Variants in EPHA3 observed in about 807,000 individuals in gnomAD.
The protein encoded by EPHA3 is EPH receptor A3.
A neutral mutation model predicts 107.1 loss-of-function variants in EPHA3; 42 were observed. That is an observed-to-expected ratio of 0.39 (90% CI 0.31 to 0.51). The LOEUF (loss-of-function observed/expected upper bound fraction) is 0.51. Among genes scored for constraint, EPHA3 ranks in the 20% least tolerant of loss-of-function variants. EPHA3 has a pLI of 0.78. For synonymous variants in EPHA3, 461 were observed against 424.8 expected, an observed-to-expected ratio of 1.09 and a Z score of -1.05; for missense variants, 1,183 against 1,211.2, an observed-to-expected ratio of 0.98 and a Z score of 0.35.
chr3:89,237,009 C>T (rs6796339), intron 3 of EPHA3, among the ~76,000 whole-genome samples: 40,260 of 151,994 alleles, frequency 0.26, 5,580 homozygotes, highest in African/African-American at 0.32. Context: ...TGAATCAATG[C>T]ATGGATCGAA....
At chr3:89,196,943 C>A (rs1409886821) in intron 2 of EPHA3, among the ~76,000 whole-genome samples, 1 of 152,098 alleles carries the variant, frequency 6.6e-6, no homozygotes, top group Non-Finnish European at 1.5e-5. Context: ...ATCCAGACTC[C>A]ATCCTATGTC....
At chr3:89,191,362 T>A (rs1408398018) in intron 2 of EPHA3, among the ~76,000 whole-genome samples, 3 of 151,960 alleles carry the variant, frequency 2.0e-5, no homozygotes, top group South Asian at 2.1e-4. Context: ...GCTGGAGTGC[T>A]GTGGCACGAT....
chr3:89,170,217 C>T lies in EPHA3; in HGVS notation c.154-39643C>T, dbSNP rs545225035. Among the ~76,000 whole-genome samples, 28 of 149,740 alleles carry T rather than the reference C, an allele frequency of 1.9e-4. 1 individual carries two copies. The East Asian group carries it at 5.1e-3, about 27-fold the overall frequency. On this transcript the variant is annotated intron_variant, in intron 2 of 16. Coordinates refer to ENST00000336596, the MANE Select transcript of EPHA3 (RefSeq NM_005233.6). ...TTTACAGTGAGCAGAGATCGCGCCA[C>T]TGCACTTCAGCCTGGGCGACAGAGA...
intron 1 of EPHA3, among the ~76,000 whole-genome samples, chr3:89,123,181 G>C (rs189592341): frequency 3.9e-4 from 59 of 152,252 alleles, no homozygotes; most frequent in African/African-American, 1.3e-3. Context: ...GTTTCGCTCT[G>C]TTTCCCAGGC....
At chr3:89,395,748 G>A in intron 5 of EPHA3, 89 bp from the exon 6 acceptor site, 1 of 1,476,926 alleles carries the variant, frequency 6.8e-7, no homozygotes, top group Non-Finnish European at 9.3e-7. Context: ...CCATTTGCAT[G>A]TTCCCTTCTC....
chr3:89,330,743 A>T (rs986929457), intron 3 of EPHA3, among the ~76,000 whole-genome samples: 3 of 152,146 alleles, frequency 2.0e-5, no homozygotes, highest in African/African-American at 7.2e-5. Flanking sequence ...ATTTTGCAGC[A>T]TCCACAGAAA....
At chr3:89,301,249 C>T (rs1207249414) in intron 3 of EPHA3, among the ~76,000 whole-genome samples, 2 of 152,026 alleles carry the variant, frequency 1.3e-5, no homozygotes, top group Non-Finnish European at 2.9e-5. Flanking sequence ...TTGAGTGTAG[C>T]AACATTGTAG....
At chr3:89,192,347 C>T (rs538809751) in intron 2 of EPHA3, among the ~76,000 whole-genome samples, 12 of 151,994 alleles carry the variant, frequency 7.9e-5, no homozygotes, top group African/African-American at 2.7e-4. Context: ...TCTGAGCCTT[C>T]GTAGATCCAG....
At chr3:89,225,220 T>A (rs1399576061) in intron 3 of EPHA3, among the ~76,000 whole-genome samples, 2 of 152,128 alleles carry the variant, frequency 1.3e-5, no homozygotes, top group African/African-American at 4.8e-5. Context: ...ACTGCTTCGA[T>A]GCCTGTAATG....
intron 1 of EPHA3, among the ~76,000 whole-genome samples, chr3:89,123,049 T>C (rs1707424201): frequency 6.6e-6 from 1 of 152,178 alleles, no homozygotes; most frequent in Non-Finnish European, 1.5e-5. Flanking sequence ...TAGAAATCAG[T>C]GGCAGAAATG....
chr3:89,378,587 T>C (rs1708446176), intron 5 of EPHA3, among the ~76,000 whole-genome samples: 1 of 152,176 alleles, frequency 6.6e-6, no homozygotes, highest in African/African-American at 2.4e-5. Context: ...AAATGTAGTA[T>C]CTCCCTGTAA....
At chr3:89,178,553 T>C (rs1458233510) in intron 2 of EPHA3, among the ~76,000 whole-genome samples, 1 of 152,052 alleles carries the variant, frequency 6.6e-6, no homozygotes, top group Non-Finnish European at 1.5e-5. Flanking sequence ...CATTATTTAT[T>C]ACTGTAGATA....
At chr3:89,477,567 A>T (rs1310359181) in intron 16 of EPHA3, among the ~76,000 whole-genome samples, 1 of 151,364 alleles carries the variant, frequency 6.6e-6, no homozygotes, top group Non-Finnish European at 1.5e-5. Context: ...TGAATTCCCA[A>T]TTTTTTCTTT....
chr3:89,459,008 T>C (rs1710160022), intron 15 of EPHA3, among the ~76,000 whole-genome samples: 1 of 152,044 alleles, frequency 6.6e-6, no homozygotes, highest in African/African-American at 2.4e-5. Context: ...GAGAGGAACA[T>C]CACACACCAG....
At chr3:89,140,369 G>A (rs1034544225) in intron 2 of EPHA3, among the ~76,000 whole-genome samples, 1 of 151,670 alleles carries the variant, frequency 6.6e-6, no homozygotes, top group African/African-American at 2.4e-5. Context: ...TTATCTTCTA[G>A]CCAGTAAATT....
intron 2 of EPHA3, among the ~76,000 whole-genome samples, chr3:89,165,058 A>C (rs1351448942): frequency 6.6e-6 from 1 of 152,146 alleles, no homozygotes; most frequent in African/African-American, 2.4e-5. Context: ...TCTTTCTGTC[A>C]CCTCTGATTT....
intron 3 of EPHA3, among the ~76,000 whole-genome samples, chr3:89,335,658 C>A (rs2107407075): frequency 6.6e-6 from 1 of 152,046 alleles, no homozygotes; most frequent in Middle Eastern, 3.4e-3. Flanking sequence ...TTGAATATAT[C>A]AATATAATGT....
chr3:89,214,712 T>A (rs551176495), intron 3 of EPHA3, among the ~76,000 whole-genome samples: 1 of 152,060 alleles, frequency 6.6e-6, no homozygotes, highest in Non-Finnish European at 1.5e-5. Flanking sequence ...CACGCTTGAT[T>A]TTTCCCATCT....
chr3:89,223,023 A>G (rs1576243646), intron 3 of EPHA3, among the ~76,000 whole-genome samples: 1 of 152,178 alleles, frequency 6.6e-6, no homozygotes, highest in Non-Finnish European at 1.5e-5. Flanking sequence ...TACAAAATCT[A>G]AAAGCTTATT....
Sources: gnomAD v4.1 joint callset for allele counts (sites outside exome capture counted in the v4.1 genomes callset) on GRCh38, gnomAD v4.1.1 for gene constraint, MANE v1.5 for transcripts, NCBI Gene and HGNC (gene_info 2026-07-23, HGNC 2026-07-21) for gene names.